Variants in IL3RA observed in about 807,000 individuals in gnomAD.
IL3RA encodes the protein interleukin-3 receptor subunit alpha.
A neutral mutation model predicts 52.3 loss-of-function variants in IL3RA; 73 were observed. That is an observed-to-expected ratio of 1.40 (90% CI 1.16 to 1.70). The LOEUF is 1.70. IL3RA is among the 40% of genes most tolerant of loss of function. The probability of loss-of-function intolerance (pLI) is 0.00; values close to 1 mark genes in which losing one functional copy is unlikely to be tolerated. For synonymous variants in IL3RA, 260 were observed against 194.0 expected, an observed-to-expected ratio of 1.34 and a Z score of -2.83; for missense variants, 664 against 504.4, an observed-to-expected ratio of 1.32 and a Z score of -3.03.
intron 8 of IL3RA, among the ~76,000 whole-genome samples, chrX:1,359,678 C>G (rs1185279612): frequency 2.0e-5 from 3 of 150,764 alleles, no homozygotes; most frequent in African/African-American, 7.3e-5. Flanking sequence ...CCGTGTCTGT[C>G]TCTATCTTTC....
chrX:1,338,822 CAG>C (rs1269745152), intron 1 of IL3RA, among the ~76,000 whole-genome samples: 1 of 151,714 alleles, frequency 6.6e-6, no homozygotes, highest in Non-Finnish European at 1.5e-5. Flanking sequence ...TTTTTTGAGA[CAG>C]AGTCTCGCTC....
chrX:1,347,696 A>G (rs1304697066), intron 3 of IL3RA, among the ~76,000 whole-genome samples: 3 of 151,770 alleles, frequency 2.0e-5, no homozygotes, highest in Non-Finnish European at 4.4e-5. Flanking sequence ...TATTTCACTA[A>G]TATTTACTGC....
intron 10 of IL3RA, 107 bp from the exon 11 acceptor site, chrX:1,380,916 G>A: frequency 2.2e-6 from 2 of 920,996 alleles, no homozygotes; most frequent in South Asian, 2.8e-5. Context: ...TAGATGACTT[G>A]AGTCTTTTGC....
intron 1 of IL3RA, among the ~76,000 whole-genome samples, chrX:1,338,573 G>A (rs2085383949): frequency 6.6e-6 from 1 of 152,264 alleles, no homozygotes; most frequent in African/African-American, 2.4e-5. Flanking sequence ...TCTGCCACAG[G>A]TGGCAATGTG....
rs558756247 is a variant in IL3RA at position 1,343,941 on chromosome X, G to A, written c.65-1375G>A. Among the ~76,000 whole-genome samples the A allele has an allele frequency of 6.2e-4, 94 of 151,422 alleles. 3 individuals carry two copies. The highest frequency in any genetic ancestry group is 6.1e-3 in the Admixed American group (92 of 15,170). On this transcript the variant is annotated intron_variant, in intron 2 of 11. Transcript: ENST00000331035. ...TTCCTGATTAGCTGGGATTACAGGC[G>A]CCCGCCACCACGCCCAACTAATTTT...
chrX:1,374,306 C>A (rs2088650434), intron 9 of IL3RA, among the ~76,000 whole-genome samples: 1 of 13,970 alleles, frequency 7.2e-5, no homozygotes, highest in Non-Finnish European at 1.0e-4. Context: ...TGTGAGGGCA[C>A]AGGGAGAAGA....
At chrX:1,345,491 G>T (rs2085702355) in intron 3 of IL3RA, 57 bp downstream of exon 3, 8 of 1,203,274 alleles carry the variant, frequency 6.6e-6, no homozygotes, top group African/African-American at 3.2e-5. Context: ...ATGTATTTAT[G>T]TATTTATTTA....
intron 9 of IL3RA, 150 bp from the exon 10 acceptor site, chrX:1,378,507 CTG>C (rs1189499146): frequency 1.5e-6 from 1 of 649,572 alleles, no homozygotes; most frequent in East Asian, 2.8e-5. Flanking sequence ...GTCACGGTCT[CTG>C]TGCAGGTGGC....
chrX:1,353,292 A>G (rs866882688), intron 6 of IL3RA, among the ~76,000 whole-genome samples: 2 of 140,140 alleles, frequency 1.4e-5, no homozygotes, highest in African/African-American at 5.7e-5. Context: ...GGGTCATGGG[A>G]CCCCCTATCA....
intron 8 of IL3RA, among the ~76,000 whole-genome samples, chrX:1,364,113 G>A (rs1363441173): frequency 7.3e-5 from 11 of 151,698 alleles, no homozygotes; most frequent in African/African-American, 2.7e-4. Context: ...GCATGAACCC[G>A]GGAAGCGGAG....
chrX:1,357,247 C>T (rs755185260), intron 7 of IL3RA, among the ~76,000 whole-genome samples: 3 of 151,940 alleles, frequency 2.0e-5, no homozygotes, highest in East Asian at 3.9e-4. Context: ...AGCCTTCGTG[C>T]GCAGCCTATG....
At chrX:1,362,165 CCT>C (rs377206464) in intron 8 of IL3RA, among the ~76,000 whole-genome samples, 6,906 of 148,436 alleles carry the variant, frequency 0.047, 186 homozygotes, top group African/African-American at 0.052. Flanking sequence ...TTTCTCTTTC[CCT>C]CTCTCTTTGT....
At chrX:1,377,122 C>G (rs1405726191) in intron 9 of IL3RA, among the ~76,000 whole-genome samples, 1 of 151,452 alleles carries the variant, frequency 6.6e-6, no homozygotes, top group Non-Finnish European at 1.5e-5. Context: ...GACGGGGTCT[C>G]CAAGCCCAGG....
rs183012046 is a variant in IL3RA at position 1,368,191 on chromosome X, G to A, written c.874+2939G>A. Among the ~76,000 whole-genome samples the A allele has an allele frequency of 4.3e-3, 646 of 151,296 alleles. 4 individuals are homozygous for A. Among genetic ancestry groups the A allele is most frequent in the African/African-American group, 0.014 (589 of 41,158 alleles). ...GGAGAATGGCGTGAACCCGGGAGGCGGAGGTTGCAGTGAGCCGAGATCGCG... is the reference window on the plus strand; with the variant it reads ...GGAGAATGGCGTGAACCCGGGAGGCAGAGGTTGCAGTGAGCCGAGATCGCG... On this transcript the variant is annotated intron_variant, in intron 9 of 11. Transcript: ENST00000331035.
intron 4 of IL3RA, among the ~76,000 whole-genome samples, chrX:1,349,418 G>C (rs1378672284): frequency 3.3e-5 from 5 of 151,936 alleles, no homozygotes; most frequent in Non-Finnish European, 5.9e-5. Context: ...CTGACTTCGT[G>C]ATCTGCCCGC....
intron 3 of IL3RA, among the ~76,000 whole-genome samples, chrX:1,347,916 A>G (rs1429380018): frequency 6.6e-6 from 1 of 151,304 alleles, no homozygotes. Flanking sequence ...GGGCGCCTGT[A>G]GTCCCAGCTA....
rs1406255685 is a variant in IL3RA at position 1,380,737 on chromosome X, G to A, written c.981-286G>A. On this transcript the variant is annotated intron_variant, in intron 10 of 11. Coordinates refer to ENST00000331035, the MANE Select transcript of IL3RA (RefSeq NM_002183.4). ...AGGCCCTTCCTGCAAGCTGTCTCAG[G>A]TCGTAAACTCAGTGACCTGAGGCAC... 1.7e-4 allele frequency among the ~76,000 whole-genome samples: 25 copies of A among 150,968 alleles called. 1 individual carries two copies. Among genetic ancestry groups the A allele is most frequent in the Non-Finnish European group, 3.0e-5 (2 of 67,708 alleles).
chrX:1,337,372 G>A (rs1292732371), intron 1 of IL3RA, among the ~76,000 whole-genome samples: 2 of 152,162 alleles, frequency 1.3e-5, no homozygotes, highest in East Asian at 3.9e-4. Flanking sequence ...TTTGGGGCTG[G>A]GACCCCAGCC....
intron 7 of IL3RA, among the ~76,000 whole-genome samples, chrX:1,357,084 C>T (rs2086792413): frequency 6.6e-6 from 1 of 151,902 alleles, no homozygotes; most frequent in Admixed American, 6.6e-5. Context: ...TCCCGAGTAG[C>T]TGGGATTATG....
Sources: allele counts gnomAD v4.1 joint callset (sites outside exome capture counted in the v4.1 genomes callset), GRCh38; gene constraint gnomAD v4.1.1; transcripts MANE v1.5; gene names NCBI Gene and HGNC (gene_info 2026-07-23, HGNC 2026-07-21).